The following GPC5 variants were observed in gnomAD, a reference collection of about 807,000 sequenced individuals.
GPC5 encodes glypican 5.
In GPC5, 47 loss-of-function variants were observed where a neutral mutation model predicts 53.9. The ratio of observed to expected loss-of-function variants is 0.87; its 90% CI spans 0.69 to 1.11. GPC5 has a LOEUF of 1.11. Among genes scored for constraint, GPC5 ranks in the 50% most tolerant of loss-of-function variants. GPC5 has a pLI of 0.00. For synonymous variants in GPC5, 286 were observed against 263.3 expected (o/e 1.09, Z -0.84); for missense variants, 748 against 713.1 (o/e 1.05, Z -0.56).
chr13:92,508,455 G>A (rs1357802847), intron 7 of GPC5, among the ~76,000 whole-genome samples: 1 of 152,120 alleles, frequency 6.6e-6, no homozygotes, highest in Non-Finnish European at 1.5e-5. Context: ...ATTATGAATT[G>A]TGTATTGTTT....
chr13:92,637,474 T>A (rs1331514535), intron 7 of GPC5, among the ~76,000 whole-genome samples: 1 of 152,156 alleles, frequency 6.6e-6, no homozygotes, highest in African/African-American at 2.4e-5. Context: ...CATAGCATCA[T>A]AAGTAGTTTG....
chr13:91,857,136 T>C (rs2038975901), intron 5 of GPC5, among the ~76,000 whole-genome samples: 1 of 151,434 alleles, frequency 6.6e-6, no homozygotes, highest in South Asian at 2.1e-4. Flanking sequence ...TTTTGTCTTG[T>C]TCAGGATAGT....
At chr13:92,785,672 TA>T (rs1405373653) in intron 7 of GPC5, among the ~76,000 whole-genome samples, 2 of 152,192 alleles carry the variant, frequency 1.3e-5, no homozygotes, top group Admixed American at 6.5e-5. Flanking sequence ...TTGCTTAGTC[TA>T]TGAAAAGGTG....
intron 6 of GPC5, among the ~76,000 whole-genome samples, chr13:92,051,925 G>A (rs1366332415): frequency 6.6e-6 from 1 of 152,156 alleles, no homozygotes; most frequent in East Asian, 1.9e-4. Flanking sequence ...TTTTATTTGA[G>A]GTAGGAGTGA....
At chr13:91,702,396 G>A (rs750731972) in intron 3 of GPC5, among the ~76,000 whole-genome samples, 2 of 151,894 alleles carry the variant, frequency 1.3e-5, no homozygotes, top group Non-Finnish European at 2.9e-5. Context: ...TTTTTCCTAT[G>A]TTTTCTACTA....
At chr13:92,529,885 C>G (rs1881492592) in intron 7 of GPC5, among the ~76,000 whole-genome samples, 1 of 151,728 alleles carries the variant, frequency 6.6e-6, no homozygotes. Flanking sequence ...GAGTTCAAGA[C>G]CAACCTGGGC....
At chr13:92,146,175 T>G (rs1331001) in intron 7 of GPC5, among the ~76,000 whole-genome samples, 150,363 of 152,242 alleles carry the variant, frequency 0.99, 74,286 homozygotes, top group East Asian at 1. Context: ...TTCTTAGTGC[T>G]AGTTAAATAT....
rs1165291609 is a variant in GPC5 at position 92,732,095 on chromosome 13, G to GACAACT, written c.1562-134183_1562-134178dup. 3.3e-5 allele frequency among the ~76,000 whole-genome samples: 5 copies of GACAACT among 151,486 alleles called. No homozygotes were observed. In the East Asian group the frequency reaches 5.8e-4, roughly 18 times the overall value. ...AATAGAAGCATATGCAACTGGCTAT[G>GACAACT]ACAACTACAGATTAGAAGAAAAATA... On this transcript the variant is annotated intron_variant, in intron 7 of 7. Transcript: ENST00000377067.
At chr13:92,866,087 T>A (rs935617245) in intron 7 of GPC5, among the ~76,000 whole-genome samples, 195 bp from the exon 8 acceptor site, 13 of 152,182 alleles carry the variant, frequency 8.5e-5, no homozygotes, top group African/African-American at 3.1e-4. Context: ...TTGAGAATTT[T>A]CACACAAGAG....
intron 7 of GPC5, among the ~76,000 whole-genome samples, chr13:92,520,886 C>G (rs562796874): frequency 6.6e-6 from 1 of 152,156 alleles, no homozygotes; most frequent in South Asian, 2.1e-4. Context: ...AAATCCCCAT[C>G]ATCTCAACCC....
chr13:92,035,434 G>A (rs908162357), intron 6 of GPC5, among the ~76,000 whole-genome samples: 7 of 151,986 alleles, frequency 4.6e-5, no homozygotes, highest in African/African-American at 9.7e-5. Flanking sequence ...TGCTCTGATC[G>A]TTTGTTAACT....
At chr13:92,725,846 T>C (rs570129075) in intron 7 of GPC5, among the ~76,000 whole-genome samples, 1 of 151,610 alleles carries the variant, frequency 6.6e-6, no homozygotes, top group African/African-American at 2.4e-5. Flanking sequence ...TAATATAACC[T>C]GAAAGTAGAA....
chr13:92,185,745 T>G (rs1443661787), intron 7 of GPC5, among the ~76,000 whole-genome samples: 1 of 152,174 alleles, frequency 6.6e-6, no homozygotes, highest in African/African-American at 2.4e-5. Context: ...TACATCATTG[T>G]CAATTAGCTT....
At chr13:92,730,931 T>C (rs1262287173) in intron 7 of GPC5, among the ~76,000 whole-genome samples, 1 of 151,512 alleles carries the variant, frequency 6.6e-6, no homozygotes, top group Non-Finnish European at 1.5e-5. Context: ...TAGTGACTAC[T>C]TCTCCCTCAT....
chr13:92,805,751 T>C (rs1347217487), intron 7 of GPC5, among the ~76,000 whole-genome samples: 1 of 152,002 alleles, frequency 6.6e-6, no homozygotes, highest in Non-Finnish European at 1.5e-5. Context: ...ATCTTTTTTT[T>C]CTGAGCAGTA....
intron 6 of GPC5, among the ~76,000 whole-genome samples, chr13:91,976,037 C>T (rs868180835): frequency 2.0e-5 from 3 of 152,012 alleles, no homozygotes; most frequent in Non-Finnish European, 4.4e-5. Flanking sequence ...AACCAAACAC[C>T]GCATGTTCTC....
At chr13:92,486,512 G>C (rs750008273) in intron 7 of GPC5, among the ~76,000 whole-genome samples, 1 of 152,124 alleles carries the variant, frequency 6.6e-6, no homozygotes, top group Non-Finnish European at 1.5e-5. Flanking sequence ...AAAATACTGT[G>C]TTTGATTTGT....
At chr13:91,637,667 C>T (rs942512906) in intron 2 of GPC5, among the ~76,000 whole-genome samples, 2 of 152,166 alleles carry the variant, frequency 1.3e-5, no homozygotes, top group African/African-American at 4.8e-5. Flanking sequence ...ATTGAATCCA[C>T]CTATCCAAAA....
chr13:91,789,218 A>G (rs1052135422), intron 5 of GPC5, among the ~76,000 whole-genome samples: 3 of 133,880 alleles, frequency 2.2e-5, no homozygotes, highest in Non-Finnish European at 3.2e-5. Context: ...ATCTCAAAAA[A>G]GAAAAAAAAA....
Sources: gnomAD v4.1 joint callset for allele counts (sites outside exome capture counted in the v4.1 genomes callset) on GRCh38, gnomAD v4.1.1 for gene constraint, MANE v1.5 for transcripts, NCBI Gene and HGNC (gene_info 2026-07-23, HGNC 2026-07-21) for gene names.